CALN1: variants seen among roughly 807,000 people sequenced by gnomAD.
CALN1 encodes the protein calneuron 1.
CALN1 carries 17 observed loss-of-function variants against 30.6 expected under a neutral mutation model. That is an observed-to-expected ratio of 0.56 (90% CI 0.38 to 0.83). The LOEUF is 0.83. CALN1 is among the 40% of genes least tolerant of loss of function. CALN1 has a pLI of 0.00. For synonymous variants in CALN1, 156 were observed against 131.4 expected (o/e 1.19, Z -1.28); for missense variants, 291 against 354.9 (o/e 0.82, Z 1.45).
chr7:72,128,572 A>G (rs182346580), intron 3 of CALN1, among the ~76,000 whole-genome samples: 3 of 152,352 alleles, frequency 2.0e-5, no homozygotes, highest in African/African-American at 7.2e-5. Context: ...AGTAAGTTCT[A>G]TATAAATCTT....
chr7:71,961,713 C>G (rs1797256649), intron 5 of CALN1, among the ~76,000 whole-genome samples: 1 of 152,202 alleles, frequency 6.6e-6, no homozygotes, highest in African/African-American at 2.4e-5. Flanking sequence ...ATCTCCTAGA[C>G]AAACTTGCTG....
chr7:71,935,222 C>G (rs138498274), intron 5 of CALN1, among the ~76,000 whole-genome samples: 7 of 152,168 alleles, frequency 4.6e-5, no homozygotes, highest in Non-Finnish European at 1.0e-4. Flanking sequence ...ACGAACTAGA[C>G]AGAAGGCTGC....
chr7:72,403,503 G>A (rs938415053), intron 1 of CALN1, 61 bp from the exon 2 acceptor site: 9 of 616,846 alleles, frequency 1.5e-5, no homozygotes, highest in African/African-American at 1.3e-4. Context: ...TCTTCTCAAA[G>A]CCTGCCGCCT....
rs1036936519 is a variant in CALN1 at position 72,286,150 on chromosome 7, G to C, written c.120-7340C>G. On this transcript the variant is annotated intron_variant, in intron 2 of 6. Transcript: ENST00000395275. ...GAGTCAGATAGTACAGGGATAAGAA[G>C]AGATTGTTATCTACCCAAATTCTCT... Among the ~76,000 whole-genome samples the C allele has an allele frequency of 2.0e-5, 3 of 152,198 alleles. No individual in the cohort carries two copies. In the South Asian group the frequency reaches 6.2e-4, roughly 32 times the overall value.
chr7:71,818,567 A>C (rs182648418), intron 5 of CALN1, among the ~76,000 whole-genome samples: 1 of 152,096 alleles, frequency 6.6e-6, no homozygotes, highest in Non-Finnish European at 1.5e-5. Context: ...ATGGGGTCTC[A>C]CTATGTTGCC....
rs146735448 is a variant in CALN1 at position 72,092,483 on chromosome 7, TTC to T, written c.388+13666_388+13667del. Among the ~76,000 whole-genome samples, 1,175 of 152,196 alleles carry T rather than the reference TTC, an allele frequency of 7.7e-3. 8 individuals are homozygous for T. Among genetic ancestry groups the T allele is most frequent in the African/African-American group, 0.027 (1,128 of 41,526 alleles). Reference sequence around the variant, plus strand: ...ATACACACATTCCGTGTCATTCAAATTCTGTTACTTTGCTTTATCCACTTGAT... The same window carrying T: ...ATACACACATTCCGTGTCATTCAAATTGTTACTTTGCTTTATCCACTTGAT... On this transcript the variant is annotated intron_variant, in intron 4 of 6. Transcript: ENST00000395275.
intron 5 of CALN1, among the ~76,000 whole-genome samples, chr7:71,880,981 A>G (rs1205309134): frequency 6.6e-6 from 1 of 152,192 alleles, no homozygotes; most frequent in Non-Finnish European, 1.5e-5. Flanking sequence ...TGGGAGAGGC[A>G]GATCCACCCT....
At chr7:72,363,386 G>C (rs1803678980) in intron 2 of CALN1, among the ~76,000 whole-genome samples, 1 of 152,038 alleles carries the variant, frequency 6.6e-6, no homozygotes, top group African/African-American at 2.4e-5. Flanking sequence ...TTACAGGCAG[G>C]CACCACCATG....
At chr7:71,863,557 C>CAAAAAAAAAAAA (rs71531769) in intron 5 of CALN1, among the ~76,000 whole-genome samples, 5 of 32,200 alleles carry the variant, frequency 1.6e-4, no homozygotes, top group Non-Finnish European at 2.3e-4. Context: ...AACTCCATCT[C>CAAAAAAAAAAAA]AAAAAAAAAA....
Position 71,783,032 on chromosome 7 carries a change from G to A in CALN1, c.*4743C>T, listed in dbSNP as rs1173278865. 2 of 152,136 alleles carry A rather than the reference G, an allele frequency of 1.3e-5. No individual in the cohort carries two copies. Among genetic ancestry groups the A allele is most frequent in the Non-Finnish European group, 2.9e-5 (2 of 68,090 alleles). The allele number at this position is 152,136 out of a possible 1,614,324, so 9.4% of individuals were successfully genotyped here. A position where few individuals can be genotyped will look rare whatever the true frequency, so the allele number is the denominator to read the frequency against. On this transcript the variant is annotated 3_prime_UTR_variant, in exon 7 of 7. Transcript: ENST00000395275. ...CCCAAAGTGCTGGGATTATAGGTGT[G>A]AGCCACCGCACCTGGTCCTTAATGC...
At chr7:71,931,194 T>C (rs1167431141) in intron 5 of CALN1, among the ~76,000 whole-genome samples, 1 of 152,238 alleles carries the variant, frequency 6.6e-6, no homozygotes, top group East Asian at 1.9e-4. Context: ...GATAACATTT[T>C]GCTTAATTGG....
Position 72,417,695 on chromosome 7 carries a change from A to T in CALN1, c.-225-5420T>A, listed in dbSNP as rs115624966. Among the ~76,000 whole-genome samples the T allele has an allele frequency of 6.9e-4, 105 of 152,348 alleles. 1 individual carries two copies. Among genetic ancestry groups the T allele is most frequent in the African/African-American group, 2.5e-3 (103 of 41,576 alleles). ...CTAAATGCTTATAATTCTTGGCGGC[A>T]GAGTTGGCAGAGGTTTTGAGAAAGA... is the stretch of plus-strand genomic sequence containing the variant. On this transcript the variant is annotated intron_variant, in intron 1 of 6. Transcript: ENST00000395276.
intron 1 of CALN1, among the ~76,000 whole-genome samples, chr7:72,432,680 T>A (rs1808013885): frequency 6.6e-6 from 1 of 152,152 alleles, no homozygotes; most frequent in Non-Finnish European, 1.5e-5. Context: ...TGGATACTCA[T>A]CTTTGCAAAT....
chr7:71,946,741 T>G, intron 5 of CALN1, among the ~76,000 whole-genome samples: 1 of 152,058 alleles, frequency 6.6e-6, no homozygotes, highest in South Asian at 2.1e-4. Flanking sequence ...TTTTCCTCCT[T>G]GAGATGGAAA....
intron 3 of CALN1, among the ~76,000 whole-genome samples, chr7:72,250,364 C>T (rs1421077809): frequency 4.6e-5 from 7 of 152,156 alleles, no homozygotes. Context: ...GCATTCTCAT[C>T]TGGAAATCAG....
chr7:72,158,288 C>A (rs1018803322), intron 3 of CALN1, among the ~76,000 whole-genome samples: 8 of 152,320 alleles, frequency 5.3e-5, no homozygotes, highest in Non-Finnish European at 1.2e-4. Flanking sequence ...ATCCCCCTGG[C>A]AGCAGCAATG....
intron 3 of CALN1, among the ~76,000 whole-genome samples, chr7:72,110,043 G>A (rs900701944): frequency 1.3e-5 from 2 of 152,200 alleles, no homozygotes; most frequent in Non-Finnish European, 2.9e-5. Context: ...TTCTCCGGAA[G>A]GCTCCTTCCC....
chr7:71,846,084 G>A (rs1790217457), intron 5 of CALN1, among the ~76,000 whole-genome samples: 1 of 152,020 alleles, frequency 6.6e-6, no homozygotes, highest in East Asian at 1.9e-4. Context: ...CTCTCCTCCT[G>A]GATGTCATCG....
intron 5 of CALN1, among the ~76,000 whole-genome samples, chr7:71,913,485 T>C (rs1438205245): frequency 2.0e-5 from 3 of 152,228 alleles, no homozygotes; most frequent in Non-Finnish European, 4.4e-5. Context: ...CTTCTCTCTA[T>C]GTATAAGAAA....
Sources: gnomAD v4.1 joint callset for allele counts (sites outside exome capture counted in the v4.1 genomes callset) on GRCh38, gnomAD v4.1.1 for gene constraint, MANE v1.5 for transcripts, NCBI Gene and HGNC (gene_info 2026-07-23, HGNC 2026-07-21) for gene names.